The following CHSY3 variants were observed in gnomAD, a reference collection of about 807,000 sequenced individuals.
The protein encoded by CHSY3 is N-acetylgalactosaminyl-proteoglycan 3-beta-glucuronosyltransferase 3.
In CHSY3, 35 loss-of-function variants were observed where a neutral mutation model predicts 67.2. The observed-to-expected ratio is 0.52, with a 90% CI of 0.40 to 0.69. The LOEUF is 0.69. Among genes scored for constraint, CHSY3 ranks in the 30% least tolerant of loss-of-function variants. The probability of loss-of-function intolerance (pLI) is 0.00; values close to 1 mark genes in which losing one functional copy is unlikely to be tolerated. For missense variants in CHSY3, 1,069 were observed against 1,138.5 expected, an observed-to-expected ratio of 0.94 and a Z score of 0.88; for synonymous variants, 474 against 434.7, an observed-to-expected ratio of 1.09 and a Z score of -1.12.
At chr5:130,098,866 A>G (rs1192716242) in intron 2 of CHSY3, among the ~76,000 whole-genome samples, 3 of 152,270 alleles carry the variant, frequency 2.0e-5, no homozygotes, top group Non-Finnish European at 4.4e-5. Context: ...ACTTTGAATA[A>G]TAGTTAATGA....
chr5:130,047,634 A>G (rs1018568121), intron 2 of CHSY3, among the ~76,000 whole-genome samples: 3 of 152,018 alleles, frequency 2.0e-5, no homozygotes, highest in Admixed American at 6.6e-5. Flanking sequence ...AATAATACAT[A>G]TTTCTTATAT....
At chr5:129,965,503 A>G (rs534259329) in intron 2 of CHSY3, among the ~76,000 whole-genome samples, 1 of 151,992 alleles carries the variant, frequency 6.6e-6, no homozygotes, top group South Asian at 2.1e-4. Flanking sequence ...AATTCTAGTT[A>G]TCATATGCTA....
chr5:129,957,349 C>CT (rs1762206760), intron 2 of CHSY3, among the ~76,000 whole-genome samples: 2 of 124,906 alleles, frequency 1.6e-5, no homozygotes, highest in South Asian at 3.1e-4. Context: ...TGTTTTTCAG[C>CT]TTAAGGACCT....
At chr5:130,029,928 A>T (rs974731334) in intron 2 of CHSY3, among the ~76,000 whole-genome samples, 6 of 152,296 alleles carry the variant, frequency 3.9e-5, no homozygotes, top group Admixed American at 6.5e-5. Context: ...TCTTTTGTAT[A>T]GCCAAAAATG....
intron 2 of CHSY3, among the ~76,000 whole-genome samples, chr5:130,142,399 C>T (rs1276767345): frequency 6.6e-6 from 1 of 152,158 alleles, no homozygotes; most frequent in Non-Finnish European, 1.5e-5. Context: ...AAGTAAGAGT[C>T]GTGACCTTTT....
At chr5:130,036,520 C>G (rs1164771573) in intron 2 of CHSY3, among the ~76,000 whole-genome samples, 1 of 152,084 alleles carries the variant, frequency 6.6e-6, no homozygotes, top group East Asian at 1.9e-4. Flanking sequence ...GCTTAAATAT[C>G]ATGTCCCCTG....
chr5:130,007,916 T>C (rs1338047479), intron 2 of CHSY3, among the ~76,000 whole-genome samples: 1 of 152,166 alleles, frequency 6.6e-6, no homozygotes, highest in African/African-American at 2.4e-5. Flanking sequence ...CAGATGTTCA[T>C]ATGGGGCACA....
chr5:129,907,952 C>T (rs1760378101), intron 1 of CHSY3, 125 bp from the exon 2 acceptor site: 2 of 1,436,068 alleles, frequency 1.4e-6, no homozygotes, highest in African/African-American at 1.4e-5. Context: ...GAGGCTTTTT[C>T]TTCTTTTCAG....
intron 2 of CHSY3, among the ~76,000 whole-genome samples, chr5:130,128,249 T>C (rs1306928064): frequency 6.6e-6 from 1 of 150,544 alleles, no homozygotes; most frequent in Non-Finnish European, 1.5e-5. Context: ...TGTGTGTGTG[T>C]GTGTGCGCTC....
In CHSY3 at chr5:130,084,087, G is replaced by A. The variant is rs200484167; in HGVS notation, c.1087-100142G>A. On this transcript the variant is annotated intron_variant, in intron 2 of 2. Coordinates refer to ENST00000305031, the MANE Select transcript of CHSY3 (RefSeq NM_175856.5). ...TTAGCCACAACTAAAGTTTTCTGTC[G>A]TCTGAGGGATATTTCATTGTCTCCT... 1.1e-4 allele frequency among the ~76,000 whole-genome samples: 17 copies of A among 151,848 alleles called. No individual in the cohort carries two copies. The East Asian group carries it at 1.9e-3, about 17-fold the overall frequency.
chr5:129,941,622 T>C (rs1037145921), intron 2 of CHSY3, among the ~76,000 whole-genome samples: 1 of 152,172 alleles, frequency 6.6e-6, no homozygotes, highest in African/African-American at 2.4e-5. Context: ...AGAGTGTCTG[T>C]CAGGGGAAAA....
intron 2 of CHSY3, among the ~76,000 whole-genome samples, chr5:129,960,187 C>A (rs1762290349): frequency 6.6e-6 from 1 of 152,018 alleles, no homozygotes; most frequent in Non-Finnish European, 1.5e-5. Context: ...TTCTTTCTCT[C>A]CCTGTTTGAC....
At chr5:129,957,501 A>G (rs1200743246) in intron 2 of CHSY3, among the ~76,000 whole-genome samples, 1 of 152,142 alleles carries the variant, frequency 6.6e-6, no homozygotes, top group Non-Finnish European at 1.5e-5. Context: ...ATATAAATGT[A>G]TGTGGGAGAT....
At chr5:130,033,092 C>G (rs1187809635) in intron 2 of CHSY3, among the ~76,000 whole-genome samples, 1 of 152,178 alleles carries the variant, frequency 6.6e-6, no homozygotes, top group South Asian at 2.1e-4. Flanking sequence ...ACCCACACTC[C>G]TCACAGATGG....
rs1760253899 is a variant in CHSY3 at position 129,905,632 on chromosome 5, G to A, written c.802+1G>A. ...GCCGACGACGATGTCTACATCAAAG[G>A]TGACCTCCCTGCGCCGGCTTTCCAG... On this transcript the variant is annotated splice_donor_variant, in intron 1 of 2. Coordinates refer to ENST00000305031, the MANE Select transcript of CHSY3 (RefSeq NM_175856.5). LOFTEE classifies it high-confidence loss of function. 1 of 1,611,996 alleles carries A rather than the reference G, an allele frequency of 6.2e-7. No individual in the cohort carries two copies. The highest frequency in any genetic ancestry group is 1.3e-5 in the African/African-American group (1 of 74,880).
chr5:130,083,687 C>T (rs1206535767), intron 2 of CHSY3, among the ~76,000 whole-genome samples: 5 of 151,964 alleles, frequency 3.3e-5, no homozygotes, highest in South Asian at 2.1e-4. Context: ...TTCTCCAATG[C>T]GTCTTTCTAA....
intron 2 of CHSY3, among the ~76,000 whole-genome samples, chr5:130,134,774 TAA>T (rs778702499): frequency 2.4e-4 from 37 of 152,082 alleles, no homozygotes; most frequent in Non-Finnish European, 5.0e-4. Flanking sequence ...TTTTTAAAAA[TAA>T]AGTTAATAGT....
chr5:130,058,499 T>C (rs1765606052), intron 2 of CHSY3, among the ~76,000 whole-genome samples: 1 of 152,068 alleles, frequency 6.6e-6, no homozygotes, highest in South Asian at 2.1e-4. Context: ...TGGTGGCATG[T>C]GCCTGTAATC....
chr5:129,919,604 T>A (rs568238725), intron 2 of CHSY3, among the ~76,000 whole-genome samples: 1 of 152,160 alleles, frequency 6.6e-6, no homozygotes, highest in East Asian at 1.9e-4. Context: ...AACCATCAGA[T>A]CTTGTGAGAC....
Sources: gnomAD v4.1 joint callset for allele counts (sites outside exome capture counted in the v4.1 genomes callset) on GRCh38, gnomAD v4.1.1 for gene constraint, MANE v1.5 for transcripts, NCBI Gene and HGNC (gene_info 2026-07-23, HGNC 2026-07-21) for gene names.